Variants in RABGAP1L observed in about 807,000 individuals in gnomAD.
RABGAP1L encodes RAB GTPase activating protein 1 like.
A neutral mutation model predicts 137.7 loss-of-function variants in RABGAP1L; 63 were observed. That is an observed-to-expected ratio of 0.46 (90% CI 0.37 to 0.56). The LOEUF (loss-of-function observed/expected upper bound fraction) is 0.56, where lower values mean the gene tolerates loss of function less well. Ranked by LOEUF, RABGAP1L falls within the 20% of genes least tolerant of loss-of-function variation. The pLI is 0.00. For missense variants in RABGAP1L, 1,095 were observed against 1,244.0 expected (o/e 0.88, Z 1.80); for synonymous variants, 431 against 433.7 (o/e 0.99, Z 0.08).
chr1:174,516,972 A>T (rs969962457), intron 13 of RABGAP1L, among the ~76,000 whole-genome samples: 6 of 124,232 alleles, frequency 4.8e-5, no homozygotes, highest in Admixed American at 8.2e-5. Context: ...AATAAATAAA[A>T]TAAATTATTG....
chr1:174,880,448 G>A (rs1653991983), intron 19 of RABGAP1L, among the ~76,000 whole-genome samples: 1 of 151,384 alleles, frequency 6.6e-6, no homozygotes. Context: ...GACCAGCGTA[G>A]GCAACATAGA....
chr1:174,655,487 T>C (rs1215613286), intron 14 of RABGAP1L, among the ~76,000 whole-genome samples: 1 of 152,230 alleles, frequency 6.6e-6, no homozygotes, highest in Non-Finnish European at 1.5e-5. Flanking sequence ...TCTGTTCTTA[T>C]TTCTTCCACT....
intron 13 of RABGAP1L, among the ~76,000 whole-genome samples, chr1:174,563,218 G>A (rs925528847): frequency 6.6e-6 from 1 of 152,092 alleles, no homozygotes; most frequent in Non-Finnish European, 1.5e-5. Context: ...GCACTGAGTC[G>A]TGAGCTGTAG....
At chr1:174,533,695 A>T (rs1048042284) in intron 13 of RABGAP1L, among the ~76,000 whole-genome samples, 7 of 151,932 alleles carry the variant, frequency 4.6e-5, no homozygotes, top group African/African-American at 1.7e-4. Flanking sequence ...TTTGAGATGG[A>T]GTTTCGCTCT....
At chr1:174,464,839 A>G (rs149858513) in intron 13 of RABGAP1L, among the ~76,000 whole-genome samples, 198 of 151,830 alleles carry the variant, frequency 1.3e-3, no homozygotes, top group East Asian at 4.1e-3. Context: ...TATATTCTCT[A>G]TGTGCTTTGA....
At chr1:174,479,685 T>G (rs2149327533) in intron 13 of RABGAP1L, among the ~76,000 whole-genome samples, 1 of 152,318 alleles carries the variant, frequency 6.6e-6, no homozygotes, top group East Asian at 1.9e-4. Context: ...TTCTATTCCG[T>G]TGCTTCAGGC....
chr1:174,611,974 C>G (rs532532650), intron 13 of RABGAP1L, among the ~76,000 whole-genome samples: 1 of 152,270 alleles, frequency 6.6e-6, no homozygotes, highest in Non-Finnish European at 1.5e-5. Context: ...ATTGGGGTTT[C>G]TAGATATACA....
intron 18 of RABGAP1L, among the ~76,000 whole-genome samples, chr1:174,787,389 C>T (rs1281119970): frequency 1.7e-5 from 2 of 119,654 alleles, no homozygotes; most frequent in Admixed American, 1.0e-4. Flanking sequence ...GGTGACAGAG[C>T]AAGACTCTGT....
intron 11 of RABGAP1L, among the ~76,000 whole-genome samples, chr1:174,317,104 A>G (rs1679447147): frequency 6.6e-6 from 1 of 151,986 alleles, no homozygotes; most frequent in Non-Finnish European, 1.5e-5. Flanking sequence ...TTCTGGAATC[A>G]GGGACTATAA....
intron 12 of RABGAP1L, among the ~76,000 whole-genome samples, chr1:174,386,576 C>G (rs925445309): frequency 1.3e-5 from 2 of 151,496 alleles, no homozygotes; most frequent in African/African-American, 4.9e-5. Context: ...GGGGCGATCT[C>G]GGCTCACTGC....
chr1:174,730,910 T>C (rs189770518), intron 17 of RABGAP1L, among the ~76,000 whole-genome samples: 22 of 152,320 alleles, frequency 1.4e-4, no homozygotes, highest in African/African-American at 3.8e-4. Flanking sequence ...TGAAATCTTA[T>C]GTATAAGGAC....
intron 18 of RABGAP1L, among the ~76,000 whole-genome samples, chr1:174,772,439 T>C (rs1686187801): frequency 6.6e-6 from 1 of 150,598 alleles, no homozygotes; most frequent in Non-Finnish European, 1.5e-5. Context: ...TAGCGGGTGT[T>C]GTGGCGTGTG....
chr1:174,549,496 A>G (rs576170863), intron 13 of RABGAP1L, among the ~76,000 whole-genome samples: 2 of 152,286 alleles, frequency 1.3e-5, no homozygotes, highest in African/African-American at 2.4e-5. Context: ...GTAAAGAGAA[A>G]AGCCACTGCA....
At chr1:174,933,464 TG>T (rs1250023142) in intron 19 of RABGAP1L, among the ~76,000 whole-genome samples, 1 of 152,112 alleles carries the variant, frequency 6.6e-6, no homozygotes, top group Non-Finnish European at 1.5e-5. Flanking sequence ...ACTGTTTTCG[TG>T]GGTTTGGATA....
At chr1:174,287,132 A>G (rs1046872408) in intron 10 of RABGAP1L, among the ~76,000 whole-genome samples, 1 of 152,156 alleles carries the variant, frequency 6.6e-6, no homozygotes, top group African/African-American at 2.4e-5. Context: ...GTGGCATAAT[A>G]AAGTCCCCTT....
intron 18 of RABGAP1L, among the ~76,000 whole-genome samples, chr1:174,771,102 G>A (rs1318674334): frequency 6.6e-6 from 1 of 152,222 alleles, no homozygotes; most frequent in Admixed American, 6.5e-5. Context: ...TGAACAGCAT[G>A]TAGAAGAGGA....
At chr1:174,414,097 A>C (rs780394432) in intron 13 of RABGAP1L, among the ~76,000 whole-genome samples, 1 of 152,146 alleles carries the variant, frequency 6.6e-6, no homozygotes, top group Non-Finnish European at 1.5e-5. Flanking sequence ...ATTTGTATAT[A>C]TTTTATGGCA....
chr1:174,322,447 G>A (rs1680079899), intron 11 of RABGAP1L, among the ~76,000 whole-genome samples: 2 of 152,158 alleles, frequency 1.3e-5, no homozygotes, highest in South Asian at 4.1e-4. Flanking sequence ...ATCTCCAAAA[G>A]CGCTCACTCA....
At chr1:174,982,803 T>C in intron 23 of RABGAP1L, 31 bp from the exon 24 acceptor site, 1 of 1,546,622 alleles carries the variant, frequency 6.5e-7, no homozygotes, top group East Asian at 2.4e-5. Context: ...TTGTTCTGTT[T>C]TCTAGTAAAA....
Sources: gnomAD v4.1 joint callset for allele counts (sites outside exome capture counted in the v4.1 genomes callset) on GRCh38, gnomAD v4.1.1 for gene constraint, MANE v1.5 for transcripts, NCBI Gene and HGNC (gene_info 2026-07-23, HGNC 2026-07-21) for gene names.